The following GRIK4 variants were observed in gnomAD, a reference collection of about 807,000 sequenced individuals.
GRIK4 encodes the protein glutamate ionotropic receptor kainate type subunit 4, also known as glutamate receptor ionotropic, kainate 4.
A neutral mutation model predicts 104.9 loss-of-function variants in GRIK4; 40 were observed. The ratio of observed to expected loss-of-function variants is 0.38; its 90% CI spans 0.30 to 0.50. The LOEUF (loss-of-function observed/expected upper bound fraction) is 0.50. GRIK4 is among the 20% of genes least tolerant of loss of function. The probability of loss-of-function intolerance (pLI) is 0.93; values close to 1 mark genes in which losing one functional copy is unlikely to be tolerated. For synonymous variants in GRIK4, 485 were observed against 524.9 expected (o/e 0.92, Z 1.04); for missense variants, 1,047 against 1,308.1 (o/e 0.80, Z 3.08).
At position 120,545,239 on chromosome 11, in the gene GRIK4, C is replaced by G. The variant is rs148129998; in HGVS notation, c.-159+33352C>G. 6.4e-3 allele frequency among the ~76,000 whole-genome samples: 967 copies of G among 152,276 alleles called. 15 individuals carry two copies. Among genetic ancestry groups the G allele is most frequent in the African/African-American group, 0.022 (931 of 41,548 alleles). The stretch of plus-strand genomic sequence containing the variant: ...AGTCAAACCAGAAATGGAGCTCTTT[C>G]CCTCAAAACTGCCTTATCTCTAGTC... On this transcript the variant is annotated intron_variant, in intron 1 of 20. Transcript: ENST00000527524.
chr11:120,782,784 G>A lies in GRIK4; in HGVS notation c.83-19909G>A, dbSNP rs774634055. 3.9e-5 allele frequency among the ~76,000 whole-genome samples: 6 copies of A among 152,142 alleles called. No homozygotes were observed. In the East Asian group the frequency reaches 5.8e-4, roughly 15 times the overall value. On this transcript the variant is annotated intron_variant, in intron 3 of 20. Coordinates refer to ENST00000527524, the MANE Select transcript of GRIK4 (RefSeq NM_014619.5). ...TTGTGACATGAAAAGGGTCCACGCC[G>A]GTGGTTCTAAGCTGGGGGCAATTTC...
At chr11:120,710,357 A>C (rs143299193) in intron 3 of GRIK4, among the ~76,000 whole-genome samples, 29 of 152,298 alleles carry the variant, frequency 1.9e-4, no homozygotes, top group Non-Finnish European at 3.7e-4. Flanking sequence ...GGTCTGACTG[A>C]GACCACATGG....
At chr11:120,736,428 C>T (rs1951221394) in intron 3 of GRIK4, among the ~76,000 whole-genome samples, 1 of 126,120 alleles carries the variant, frequency 7.9e-6, no homozygotes, top group African/African-American at 3.1e-5. Context: ...TTGGTCACTT[C>T]GACTGGTGTC....
At chr11:120,904,593 C>G (rs1942824841) in intron 12 of GRIK4, among the ~76,000 whole-genome samples, 1 of 152,222 alleles carries the variant, frequency 6.6e-6, no homozygotes, top group Admixed American at 6.5e-5. Flanking sequence ...GCCACCACTT[C>G]CTGGCATCTG....
At chr11:120,933,613 C>T (rs1392229568) in intron 13 of GRIK4, among the ~76,000 whole-genome samples, 2 of 152,198 alleles carry the variant, frequency 1.3e-5, no homozygotes, top group Non-Finnish European at 2.9e-5. Flanking sequence ...CAGTTACCCC[C>T]TCTACTGCCT....
intron 3 of GRIK4, among the ~76,000 whole-genome samples, chr11:120,743,460 A>T (rs992480033): frequency 7.2e-5 from 11 of 152,208 alleles, no homozygotes; most frequent in African/African-American, 2.7e-4. Flanking sequence ...AGTGGAAAAG[A>T]TAACTCTTGG....
At chr11:120,537,846 T>C (rs1042006768) in intron 1 of GRIK4, among the ~76,000 whole-genome samples, 9 of 151,596 alleles carry the variant, frequency 5.9e-5, no homozygotes, top group African/African-American at 2.2e-4. Context: ...TACTTGTTTG[T>C]TCTTAAAAAA....
At chr11:120,771,338 T>C (rs1028693705) in intron 3 of GRIK4, among the ~76,000 whole-genome samples, 3 of 152,330 alleles carry the variant, frequency 2.0e-5, no homozygotes, top group Non-Finnish European at 2.9e-5. Context: ...ATCCTTCTTA[T>C]AAAGTGGCAA....
chr11:120,563,756 T>G (rs1948270504), intron 1 of GRIK4, among the ~76,000 whole-genome samples: 1 of 152,072 alleles, frequency 6.6e-6, no homozygotes, highest in South Asian at 2.1e-4. Flanking sequence ...CCTCCACCCT[T>G]CCCCAGGTCA....
intron 1 of GRIK4, among the ~76,000 whole-genome samples, chr11:120,579,954 A>G (rs1591710268): frequency 6.6e-6 from 1 of 152,086 alleles, no homozygotes; most frequent in Non-Finnish European, 1.5e-5. Context: ...TCAGAATGTC[A>G]TATAAATAGA....
chr11:120,673,607 G>A (rs1950055033), intron 3 of GRIK4, among the ~76,000 whole-genome samples: 1 of 152,204 alleles, frequency 6.6e-6, no homozygotes. Context: ...AAGTCCACCA[G>A]CGCTTGTGTT....
At chr11:120,809,448 C>T (rs1312101381) in intron 4 of GRIK4, among the ~76,000 whole-genome samples, 1 of 152,210 alleles carries the variant, frequency 6.6e-6, no homozygotes, top group Non-Finnish European at 1.5e-5. Flanking sequence ...TGATTTCCAT[C>T]TCTACTGAGC....
intron 19 of GRIK4, among the ~76,000 whole-genome samples, chr11:120,970,168 A>G (rs1235964281): frequency 6.6e-6 from 1 of 152,120 alleles, no homozygotes; most frequent in South Asian, 2.1e-4. Context: ...CTGTGCTTGG[A>G]GTTATTTCCC....
At chr11:120,824,165 AG>A (rs1380713172) in intron 6 of GRIK4, among the ~76,000 whole-genome samples, 2 of 152,244 alleles carry the variant, frequency 1.3e-5, no homozygotes, top group Non-Finnish European at 2.9e-5. Flanking sequence ...CCTTCCCAAA[AG>A]TAGATTTTTA....
At chr11:120,801,303 G>A (rs1226590086) in intron 3 of GRIK4, among the ~76,000 whole-genome samples, 1 of 152,184 alleles carries the variant, frequency 6.6e-6, no homozygotes, top group Non-Finnish European at 1.5e-5. Context: ...TCAGCTCACT[G>A]CAACCTCCAC....
At chr11:120,796,817 C>T (rs567190523) in intron 3 of GRIK4, among the ~76,000 whole-genome samples, 2 of 150,174 alleles carry the variant, frequency 1.3e-5, no homozygotes, top group Non-Finnish European at 3.0e-5. Context: ...GGACCTTGAG[C>T]GGGTCAGTGG....
At chr11:120,837,522 T>G (rs1953604572) in intron 8 of GRIK4, among the ~76,000 whole-genome samples, 1 of 152,134 alleles carries the variant, frequency 6.6e-6, no homozygotes, top group Admixed American at 6.5e-5. Flanking sequence ...AGCGTGCACA[T>G]AGATGAAAGC....
chr11:120,722,591 C>A (rs554461426), intron 3 of GRIK4, among the ~76,000 whole-genome samples: 1 of 148,898 alleles, frequency 6.7e-6, no homozygotes, highest in African/African-American at 2.5e-5. Context: ...CTCCAGCCTG[C>A]GTGACAAAGC....
intron 3 of GRIK4, among the ~76,000 whole-genome samples, chr11:120,800,132 G>T (rs1383753807): frequency 2.0e-5 from 3 of 152,094 alleles, no homozygotes; most frequent in African/African-American, 7.2e-5. Flanking sequence ...GGGATTACAG[G>T]TGTGAGTCAC....
Sources: allele counts gnomAD v4.1 joint callset (sites outside exome capture counted in the v4.1 genomes callset), GRCh38; gene constraint gnomAD v4.1.1; transcripts MANE v1.5; gene names NCBI Gene and HGNC (gene_info 2026-07-23, HGNC 2026-07-21).